Variants in THRB observed in about 807,000 individuals in gnomAD.
The protein encoded by THRB is thyroid hormone receptor beta, also known as nuclear receptor subfamily 1 group A member 2.
THRB carries 12 observed loss-of-function variants against 47.8 expected under a neutral mutation model. The ratio of observed to expected loss-of-function variants is 0.25; its 90% CI spans 0.16 to 0.41. THRB has a LOEUF of 0.41. Among genes scored for constraint, THRB ranks in the 10% least tolerant of loss-of-function variants. THRB has a pLI of 1.00. For synonymous variants in THRB, 218 were observed against 212.2 expected (o/e 1.03, Z -0.24); for missense variants, 348 against 589.2 (o/e 0.59, Z 4.24).
At position 24,302,036 on chromosome 3, in the gene THRB, G is replaced by T. The variant is rs981600676; in HGVS notation, c.-188-4665C>A. Among the ~76,000 whole-genome samples, 4 of 152,182 alleles carry T rather than the reference G, an allele frequency of 2.6e-5. No individual in the cohort carries two copies. In the South Asian group the frequency reaches 8.3e-4, roughly 32 times the overall value. On this transcript the variant is annotated intron_variant, in intron 2 of 10. Coordinates refer to ENST00000646209, the MANE Select transcript of THRB (RefSeq NM_001354712.2). ...GTATCAGACTTCTTCCCTACAGACT[G>T]CAAGGCCCTAACTTGGTGTTGGCTA...
chr3:24,166,812 A>G (rs904981365), intron 5 of THRB, among the ~76,000 whole-genome samples: 1 of 152,136 alleles, frequency 6.6e-6, no homozygotes, highest in African/African-American at 2.4e-5. Context: ...ACAATGTAAT[A>G]CTGTAATTTT....
chr3:24,266,181 C>T (rs1393409033), intron 3 of THRB, among the ~76,000 whole-genome samples: 7 of 151,962 alleles, frequency 4.6e-5, no homozygotes, highest in Non-Finnish European at 1.0e-4. Context: ...GAGTCTCTGC[C>T]CTCTTTTAAC....
rs2037127837 is a variant in THRB, at chr3:24,152,553, A to G, written c.284-63T>C. On this transcript the variant is annotated intron_variant, in intron 5 of 10. Coordinates refer to ENST00000646209, the MANE Select transcript of THRB (RefSeq NM_001354712.2). The stretch of plus-strand genomic sequence containing the variant: ...TATGTTAACGTCAAAGAGACACTAT[A>G]GCTAAGGTTGCTAGGCCAGAGACAA... 1.1e-5 allele frequency: 10 copies of G among 921,442 alleles called. No homozygotes were observed. In the East Asian group the frequency reaches 2.5e-4, roughly 23 times the overall value. The allele number at this position is 921,442 out of a possible 1,614,324, so 57.1% of individuals were successfully genotyped here. A position where few individuals can be genotyped will look rare whatever the true frequency, so the allele number is the denominator to read the frequency against.
At chr3:24,222,465 C>T (rs964610685) in intron 4 of THRB, among the ~76,000 whole-genome samples, 1 of 151,742 alleles carries the variant, frequency 6.6e-6, no homozygotes, top group African/African-American at 2.4e-5. Context: ...CTGACTGCAG[C>T]GGGGAGGGGA....
At chr3:24,250,418 C>T (rs948602531) in intron 3 of THRB, among the ~76,000 whole-genome samples, 6 of 152,110 alleles carry the variant, frequency 3.9e-5, no homozygotes, top group East Asian at 1.9e-4. Context: ...TATGAAGTGC[C>T]GGGCATGGTA....
intron 1 of THRB, among the ~76,000 whole-genome samples, chr3:24,398,173 G>A (rs928587503): frequency 7.9e-5 from 12 of 152,056 alleles, no homozygotes; most frequent in Admixed American, 2.6e-4. Context: ...GGGCAAAGAA[G>A]CATAGAAGAG....
intron 3 of THRB, among the ~76,000 whole-genome samples, chr3:24,272,008 G>C (rs978091728): frequency 6.6e-6 from 1 of 152,122 alleles, no homozygotes; most frequent in Non-Finnish European, 1.5e-5. Flanking sequence ...TAATAATTTA[G>C]CTCCATAATC....
chr3:24,162,445 T>G (rs566865877), intron 5 of THRB, among the ~76,000 whole-genome samples: 1 of 152,312 alleles, frequency 6.6e-6, no homozygotes, highest in South Asian at 2.1e-4. Flanking sequence ...AGGGTTCTTT[T>G]CATTTGTCCC....
At chr3:24,480,589 A>G (rs1205589302) in intron 1 of THRB, among the ~76,000 whole-genome samples, 1 of 152,218 alleles carries the variant, frequency 6.6e-6, no homozygotes, top group Non-Finnish European at 1.5e-5. Flanking sequence ...TGGCTCCAAG[A>G]AGGGACTCTT....
intron 1 of THRB, among the ~76,000 whole-genome samples, chr3:24,379,006 C>G (rs1178258973): frequency 2.6e-5 from 4 of 152,056 alleles, no homozygotes; most frequent in Non-Finnish European, 5.9e-5. Context: ...TCTCATTTAA[C>G]CCTTATAGCA....
chr3:24,283,118 G>A (rs2054812610), intron 3 of THRB, among the ~76,000 whole-genome samples: 1 of 151,396 alleles, frequency 6.6e-6, no homozygotes, highest in African/African-American at 2.4e-5. Flanking sequence ...AAGCCGGGCA[G>A]AGACACAACC....
At chr3:24,167,666 G>A (rs2039827687) in intron 5 of THRB, among the ~76,000 whole-genome samples, 1 of 152,042 alleles carries the variant, frequency 6.6e-6, no homozygotes, top group Admixed American at 6.5e-5. Flanking sequence ...TTCTGGTTAA[G>A]AGCTGCGTGT....
At chr3:24,367,508 T>C (rs112850677) in intron 1 of THRB, among the ~76,000 whole-genome samples, 1 of 152,162 alleles carries the variant, frequency 6.6e-6, no homozygotes, top group Non-Finnish European at 1.5e-5. Context: ...CACAGTCTAG[T>C]AAGCTAGCCT....
At chr3:24,152,909 C>A (rs2037199261) in intron 5 of THRB, among the ~76,000 whole-genome samples, 1 of 150,638 alleles carries the variant, frequency 6.6e-6, no homozygotes, top group Non-Finnish European at 1.5e-5. Flanking sequence ...TTGCAGTGAG[C>A]TGAGATTGTG....
chr3:24,391,891 T>C (rs1289123304), intron 1 of THRB, among the ~76,000 whole-genome samples: 3 of 152,178 alleles, frequency 2.0e-5, no homozygotes, highest in Non-Finnish European at 4.4e-5. Context: ...GGAATTATTA[T>C]GGTTCACATC....
chr3:24,211,272 T>C (rs2045997815), intron 4 of THRB, among the ~76,000 whole-genome samples: 1 of 152,186 alleles, frequency 6.6e-6, no homozygotes, highest in Non-Finnish European at 1.5e-5. Flanking sequence ...CATAAGTATA[T>C]TTGTGATGTG....
chr3:24,285,650 C>G (rs1265750585), intron 3 of THRB, among the ~76,000 whole-genome samples: 2 of 152,068 alleles, frequency 1.3e-5, no homozygotes, highest in Middle Eastern at 3.4e-3. Context: ...AGAATACTGG[C>G]CATTTAACCC....
intron 3 of THRB, among the ~76,000 whole-genome samples, chr3:24,236,580 A>G (rs567846039): frequency 6.6e-6 from 1 of 152,282 alleles, no homozygotes; most frequent in East Asian, 1.9e-4. Context: ...TTAAAGACTC[A>G]AGAACAATAC....
chr3:24,371,837 T>C (rs919982892), intron 1 of THRB, among the ~76,000 whole-genome samples: 1 of 152,168 alleles, frequency 6.6e-6, no homozygotes, highest in Non-Finnish European at 1.5e-5. Flanking sequence ...GTTCTAAATA[T>C]GTTTCAAGGT....
Sources: allele counts gnomAD v4.1 joint callset (sites outside exome capture counted in the v4.1 genomes callset), GRCh38; gene constraint gnomAD v4.1.1; transcripts MANE v1.5; gene names NCBI Gene and HGNC (gene_info 2026-07-23, HGNC 2026-07-21).